The following TMC7 variants were observed in gnomAD, a reference collection of about 807,000 sequenced individuals.
TMC7 encodes transmembrane channel-like protein 7.
TMC7 carries 54 observed loss-of-function variants against 82.9 expected under a neutral mutation model. That is an observed-to-expected ratio of 0.65 (90% CI 0.52 to 0.82). TMC7 has a LOEUF of 0.82. Among genes scored for constraint, TMC7 ranks in the 40% least tolerant of loss-of-function variants. The pLI is 0.00. For missense variants in TMC7, 820 were observed against 901.2 expected, an observed-to-expected ratio of 0.91 and a Z score of 1.15; for synonymous variants, 350 against 337.9, an observed-to-expected ratio of 1.04 and a Z score of -0.39.
At chr16:19,036,137 T>C (rs1263899282) in intron 7 of TMC7, among the ~76,000 whole-genome samples, 1 of 152,098 alleles carries the variant, frequency 6.6e-6, no homozygotes, top group African/African-American at 2.4e-5. Context: ...GAGGAGGACC[T>C]GTCATAAACA....
Position 19,036,325 on chromosome 16 carries a change from C to T in TMC7, c.1005+502C>T, listed in dbSNP as rs1278057190. ...GAGATCGAGACCATCCTGGCTAACA[C>T]GGTGAAACCCCATCTCTACTAAAAA... is the stretch of plus-strand genomic sequence containing the variant. On this transcript the variant is annotated intron_variant, in intron 7 of 15. Coordinates refer to ENST00000304381, the MANE Select transcript of TMC7 (RefSeq NM_024847.4). 5.3e-5 allele frequency among the ~76,000 whole-genome samples: 8 copies of T among 151,970 alleles called. No individual in the cohort carries two copies. In the East Asian group the frequency reaches 5.8e-4, roughly 11 times the overall value.
chr16:18,987,937 C>A (rs2038880870), intron 1 of TMC7, among the ~76,000 whole-genome samples: 1 of 152,162 alleles, frequency 6.6e-6, no homozygotes, highest in African/African-American at 2.4e-5. Flanking sequence ...GGAGCAGGGA[C>A]TACTTGGAAC....
intron 10 of TMC7, 77 bp downstream of exon 10, chr16:19,045,078 G>A: frequency 8.4e-7 from 1 of 1,187,984 alleles, no homozygotes; most frequent in Non-Finnish European, 1.3e-6. Context: ...AACAGCGGTT[G>A]AAGCCATGGG....
intron 6 of TMC7, chr16:19,033,422 C>T (rs1469883119): frequency 6.6e-6 from 1 of 152,198 alleles, no homozygotes; most frequent in African/African-American, 2.4e-5. Context: ...TGGCTCACAC[C>T]TGTAATCCTA....
rs1959983925 is a variant in TMC7, at chr16:19,021,712, T to G, written c.544T>G (p.Phe182Val). ...GAATTTGGTGATATTTCTGATCATC[T>G]TTATGCTGGTTTTGCTCCCAGTCTT... ...LLNLVIFLII[F>V]MLVLLPVLLT... Residue 182 changes from phenylalanine (F) to valine (V), a missense_variant, in exon 4 of 16, where the codon TTT (phenylalanine) becomes GTT (valine). Physicochemically the swap from Phe to Val is conservative, Grantham distance 50. Transcript: ENST00000304381. 25 of 1,614,192 alleles carry G rather than the reference T, an allele frequency of 1.5e-5. No individual in the cohort carries two copies. The highest frequency in any genetic ancestry group is 1.9e-5 in the Non-Finnish European group (23 of 1,180,014).
At position 19,061,979 on chromosome 16, in the gene TMC7, G is replaced by A. The variant is rs746590223; in HGVS notation, c.*136G>A. 3.2e-6 allele frequency: 2 copies of A among 621,258 alleles called. No homozygotes were observed. Among genetic ancestry groups the A allele is most frequent in the Non-Finnish European group, 5.2e-6 (2 of 384,184 alleles). The allele number at this position is 621,258 out of a possible 1,614,324, so 38.5% of individuals were successfully genotyped here. On this transcript the variant is annotated 3_prime_UTR_variant, in exon 16 of 16. Coordinates refer to ENST00000304381, the MANE Select transcript of TMC7 (RefSeq NM_024847.4). ...TTCTTGAGTTTAGGCTTTTCCATATGTGCAGCTGTGTTTACCTAACCCAGC... is the reference window on the plus strand; with the variant it reads ...TTCTTGAGTTTAGGCTTTTCCATATATGCAGCTGTGTTTACCTAACCCAGC...
In TMC7 at chr16:19,045,442, A is replaced by T. The variant is rs560878447; in HGVS notation, c.1553+4A>T. On this transcript the variant is annotated splice_donor_region_variant and intron_variant, in intron 11 of 15. Coordinates refer to ENST00000304381, the MANE Select transcript of TMC7 (RefSeq NM_024847.4). ...TCTTCGTGGATTTTCCTAGAAAGTA[A>T]GTGCGAGGGGTGCCCATATTATCCC... The T allele has an allele frequency of 2.2e-5, 36 of 1,604,608 alleles. 1 individual carries two copies. In the South Asian group the frequency reaches 3.7e-4, roughly 17 times the overall value.
intron 2 of TMC7, among the ~76,000 whole-genome samples, chr16:19,016,236 G>A (rs1280195611): frequency 6.6e-6 from 1 of 151,776 alleles, no homozygotes; most frequent in Non-Finnish European, 1.5e-5. Flanking sequence ...GATTACAGGC[G>A]CCCGCCACCA....
At chr16:19,016,364 A>G in intron 2 of TMC7, 86 bp from the exon 3 acceptor site, 1 of 1,539,824 alleles carries the variant, frequency 6.5e-7, no homozygotes, top group Non-Finnish European at 8.9e-7. Flanking sequence ...TGCTGGGATT[A>G]CAGGCGTGAG....
chr16:19,019,126 A>T (rs1360721303), intron 3 of TMC7, among the ~76,000 whole-genome samples: 1 of 152,250 alleles, frequency 6.6e-6, no homozygotes, highest in East Asian at 1.9e-4. Context: ...CTGGGATTAC[A>T]GGCGTGAGCC....
chr16:19,007,676 A>C (rs8051827), intron 1 of TMC7, among the ~76,000 whole-genome samples: 10,506 of 151,470 alleles, frequency 0.069, 521 homozygotes, highest in Middle Eastern at 0.12. Context: ...TCTCAAAAAA[A>C]AAAAAAATAA....
chr16:19,044,978 G>A lies in TMC7; in HGVS notation c.1432G>A (p.Gly478Ser), dbSNP rs141125913. The change falls in exon 10 of 16, where the codon GGC becomes AGC. Residue 478 changes from glycine to serine, a missense_variant. Physicochemically the swap from Gly to Ser is moderately conservative, Grantham distance 56. This residue lies in a region of TMC7 where 650 missense variants were observed against 669.9 expected (regional missense o/e 0.97). Coordinates refer to ENST00000304381, the MANE Select transcript of TMC7 (RefSeq NM_024847.4). ...SCDDDTCDLC[G>S]YNQKLYPCWE... ...TGATGATGACACATGTGACCTTTGC[G>A]GCTACAACCAGAAACTCTACCCGGT... 4.6e-5 allele frequency: 75 copies of A among 1,613,930 alleles called. No individual in the cohort carries two copies. Among genetic ancestry groups the A allele is most frequent in the Admixed American group, 1.2e-4 (7 of 59,982 alleles).
At chr16:19,010,133 T>TCTCCCCCCCC (rs1567508105) in intron 2 of TMC7, among the ~76,000 whole-genome samples, 1 of 54,414 alleles carries the variant, frequency 1.8e-5, no homozygotes, top group Non-Finnish European at 3.5e-5. Context: ...CCCTCTCTCC[T>TCTCCCCCCCC]CTCCCCTCCC....
intron 6 of TMC7, among the ~76,000 whole-genome samples, chr16:19,034,794 G>A (rs934667532): frequency 1.3e-5 from 2 of 152,066 alleles, no homozygotes; most frequent in Non-Finnish European, 2.9e-5. Context: ...GAATTCCCAA[G>A]GGTAGAGTCC....
intron 1 of TMC7, among the ~76,000 whole-genome samples, chr16:19,008,639 G>A (rs2039282105): frequency 6.6e-6 from 1 of 152,188 alleles, no homozygotes; most frequent in Non-Finnish European, 1.5e-5. Flanking sequence ...AGCAGATCAG[G>A]AGGCCAGCCC....
chr16:19,038,276 G>A (rs182457086), intron 8 of TMC7, among the ~76,000 whole-genome samples: 2 of 152,076 alleles, frequency 1.3e-5, no homozygotes, highest in Admixed American at 6.6e-5. Flanking sequence ...GCTCACTGCA[G>A]CCTCTGCCTC....
Position 19,016,566 on chromosome 16 carries a change from A to G in TMC7, c.428A>G (p.Glu143Gly), listed in dbSNP as rs1567511236. The part of the protein sequence containing the change: ...EKAREMTTHL[E>G]LWREDIRSIE... ...GCTCGAGAGATGACGACCCACCTGG[A>G]GCTGTGGCGGGAGGACATCCGCAGC... is the stretch of plus-strand genomic sequence containing the variant. The change falls in exon 3 of 16, where the codon GAG (glutamate) becomes GGG (glycine). Residue 143 changes from glutamate to glycine, a missense_variant. By Grantham distance (98) the Glu-to-Gly change is moderately conservative. Around this residue, in one of 2 missense-constraint regions of TMC7, gnomAD observed 650 missense variants for 669.9 expected, o/e 0.97. Coordinates refer to ENST00000304381, the MANE Select transcript of TMC7 (RefSeq NM_024847.4). 1.2e-6 allele frequency: 2 copies of G among 1,614,036 alleles called. No homozygotes were observed. The highest frequency in any genetic ancestry group is 1.7e-6 in the Non-Finnish European group (2 of 1,180,018).
intron 6 of TMC7, among the ~76,000 whole-genome samples, chr16:19,030,808 G>A (rs1289037597): frequency 6.6e-6 from 1 of 151,900 alleles, no homozygotes. Context: ...CCTGACCTCA[G>A]GTGATCTGCC....
intron 1 of TMC7, among the ~76,000 whole-genome samples, chr16:19,007,913 G>T (rs1196042991): frequency 2.0e-5 from 3 of 151,968 alleles, no homozygotes; most frequent in Non-Finnish European, 4.4e-5. Flanking sequence ...GTTCACTGCA[G>T]TTCCCTTAGT....
Sources: allele counts gnomAD v4.1 joint callset (sites outside exome capture counted in the v4.1 genomes callset), GRCh38; gene constraint gnomAD v4.1.1; regional missense constraint gnomAD v4.1.1; transcripts MANE v1.5; gene names NCBI Gene and HGNC (gene_info 2026-07-23, HGNC 2026-07-21).